Variants in CCT3 observed in about 807,000 individuals in gnomAD.
The protein encoded by CCT3 is T-complex protein 1 subunit gamma.
CCT3 carries 10 observed loss-of-function variants against 65.3 expected under a neutral mutation model. The observed-to-expected ratio is 0.15, with a 90% CI of 0.09 to 0.26. The LOEUF (loss-of-function observed/expected upper bound fraction) is 0.26, where lower values mean the gene tolerates loss of function less well. CCT3 is among the 10% of genes least tolerant of loss of function. The pLI is 1.00. For missense variants in CCT3, 626 were observed against 708.7 expected (o/e 0.88, Z 1.33); for synonymous variants, 225 against 242.3 (o/e 0.93, Z 0.66).
At chr1:156,329,801 T>C (rs1665031179) in intron 5 of CCT3, among the ~76,000 whole-genome samples, 1 of 151,588 alleles carries the variant, frequency 6.6e-6, no homozygotes, top group Admixed American at 6.6e-5. Context: ...TAGCTGGGCA[T>C]GGTGGCGGGT....
intron 13 of CCT3, among the ~76,000 whole-genome samples, chr1:156,310,121 C>T (rs925746163): frequency 8.0e-5 from 12 of 149,588 alleles, no homozygotes; most frequent in Admixed American, 5.3e-4. Context: ...GCTTTTAGTA[C>T]GAGCTAAAGA....
intron 1 of CCT3, among the ~76,000 whole-genome samples, chr1:156,336,789 C>G (rs1341069351): frequency 6.6e-6 from 1 of 152,170 alleles, no homozygotes; most frequent in South Asian, 2.1e-4. Flanking sequence ...ATCTTTCAAT[C>G]CAGTCCCATC....
chr1:156,319,276 C>T (rs965124321), intron 7 of CCT3, among the ~76,000 whole-genome samples: 1 of 140,076 alleles, frequency 7.1e-6, no homozygotes. Flanking sequence ...CCACACCCGG[C>T]TAATTTTTTT....
At position 156,308,972 on chromosome 1, in the gene CCT3, A is replaced by T; in HGVS notation, c.*227T>A. On this transcript the variant is annotated 3_prime_UTR_variant, in exon 14 of 14. Coordinates refer to ENST00000295688, the MANE Select transcript of CCT3 (RefSeq NM_005998.5). ...GAAAAACACATAACAACTTTCTCAA[A>T]TGACTTAGATTTAATCATCGGAAGC... 2.4e-6 allele frequency: 1 copy of T among 420,680 alleles called. No homozygotes were observed. Among genetic ancestry groups the T allele is most frequent in the Non-Finnish European group, 4.3e-6 (1 of 235,126 alleles). 26.1% of individuals were successfully genotyped at this position (420,680 alleles called of 1,614,324 possible).
intron 13 of CCT3, 53 bp from the exon 14 acceptor site, chr1:156,309,356 T>G: frequency 2.5e-6 from 3 of 1,196,634 alleles, no homozygotes; most frequent in Non-Finnish European, 3.7e-6. Context: ...AAAGGACACT[T>G]TTCTTTCCTT....
chr1:156,324,876 C>T, intron 6 of CCT3, 96 bp downstream of exon 6: 3 of 784,490 alleles, frequency 3.8e-6, no homozygotes, highest in Non-Finnish European at 6.7e-6. Flanking sequence ...ATCCACCCGC[C>T]TAGGCCTCCC....
At chr1:156,335,100 G>A in intron 2 of CCT3, 182 bp from the exon 3 acceptor site, 2 of 559,778 alleles carry the variant, frequency 3.6e-6, no homozygotes, top group Non-Finnish European at 3.1e-6. Flanking sequence ...CAAACCCCTG[G>A]GCCCAAGTGA....
intron 10 of CCT3, among the ~76,000 whole-genome samples, chr1:156,312,468 C>T (rs1257495932): frequency 6.6e-6 from 1 of 151,882 alleles, no homozygotes; most frequent in Non-Finnish European, 1.5e-5. Context: ...GAGACCAGCC[C>T]GGGCAACATA....
At chr1:156,333,311 A>T in intron 5 of CCT3, 1 of 413,178 alleles carries the variant, frequency 2.4e-6, no homozygotes. Flanking sequence ...AAAAAAAAAG[A>T]ATATTATAAC....
In CCT3 at chr1:156,325,073, A is replaced by C; in HGVS notation, c.321T>G (p.Ser107=). 2 of 1,611,972 alleles carry C rather than the reference A, an allele frequency of 1.2e-6. No homozygotes were observed. The highest frequency in any genetic ancestry group is 1.7e-6 in the Non-Finnish European group (2 of 1,178,990). Reference sequence around the variant, plus strand: ...GCTGCTCCAGGAAGTGCTCAGCTACAGACAGCATTTCCCCTGCTGAAAAAG... The same window carrying C: ...GCTGCTCCAGGAAGTGCTCAGCTACCGACAGCATTTCCCCTGCTGAAAAAG... ...SVIILAGEML[S]VAEHFLEQQM... Residue 107 remains serine, a synonymous_variant, in exon 6 of 14, where the codon TCT becomes TCG. Transcript: ENST00000295688.
intron 5 of CCT3, among the ~76,000 whole-genome samples, chr1:156,331,490 C>A (rs1259803641): frequency 6.6e-6 from 1 of 152,040 alleles, no homozygotes; most frequent in Non-Finnish European, 1.5e-5. Context: ...CGAGATCAGT[C>A]TGGCCAACAT....
chr1:156,328,879 G>T (rs944519112), intron 5 of CCT3, among the ~76,000 whole-genome samples: 3 of 142,872 alleles, frequency 2.1e-5, no homozygotes, highest in Non-Finnish European at 4.4e-5. Flanking sequence ...AAAAAAAAAT[G>T]TACATGTTAT....
At chr1:156,309,529 C>T (rs892492122) in intron 13 of CCT3, among the ~76,000 whole-genome samples, 6 of 151,900 alleles carry the variant, frequency 3.9e-5, no homozygotes, top group East Asian at 3.9e-4. Context: ...CGGGTTCAAG[C>T]GATTCTACTA....
intron 12 of CCT3, 81 bp from the exon 13 acceptor site, chr1:156,310,770 C>T: frequency 6.5e-7 from 1 of 1,529,960 alleles, no homozygotes. Context: ...AACAATGGAC[C>T]AGTATGGAAG....
chr1:156,320,478 T>C (rs1664502072), intron 7 of CCT3, among the ~76,000 whole-genome samples: 1 of 151,896 alleles, frequency 6.6e-6, no homozygotes, highest in African/African-American at 2.4e-5. Flanking sequence ...TAGGGTATGA[T>C]GGCTTATGCC....
intron 12 of CCT3, 66 bp from the exon 13 acceptor site, chr1:156,310,755 T>TA: frequency 1.9e-6 from 3 of 1,566,598 alleles, no homozygotes; most frequent in Non-Finnish European, 2.6e-6. Context: ...AGAAATGAAG[T>TA]AAAAAACAAT....
At position 156,325,170 on chromosome 1, in the gene CCT3, T is replaced by C. The variant is rs545897067; in HGVS notation, c.305-81A>G. 6 of 1,008,110 alleles carry C rather than the reference T, an allele frequency of 6.0e-6. No individual in the cohort carries two copies. The African/African-American group carries it at 6.3e-5, about 11-fold the overall frequency. The allele number at this position is 1,008,110 out of a possible 1,614,324, so 62.4% of individuals were successfully genotyped here. A position where few individuals can be genotyped will look rare whatever the true frequency, so the allele number is the denominator to read the frequency against. ...GTAACTTAATTATTCTTCCAAAAAATACTCTCCTAAATCAGACTCTCCCAA... is the reference window on the plus strand; with the variant it reads ...GTAACTTAATTATTCTTCCAAAAAACACTCTCCTAAATCAGACTCTCCCAA... On this transcript the variant is annotated intron_variant, in intron 5 of 13. Coordinates refer to ENST00000295688, the MANE Select transcript of CCT3 (RefSeq NM_005998.5).
At chr1:156,333,371 T>C in intron 5 of CCT3, 176 bp downstream of exon 5, 3 of 561,786 alleles carry the variant, frequency 5.3e-6, no homozygotes, top group East Asian at 3.1e-5. Context: ...CAGATTTGCA[T>C]AGCTCACCCT....
intron 5 of CCT3, 38 bp from the exon 6 acceptor site, chr1:156,325,127 A>C: frequency 7.2e-7 from 1 of 1,382,724 alleles, no homozygotes; most frequent in Non-Finnish European, 1.0e-6. Context: ...TATTTAAAGC[A>C]TCTGGATATC....
Sources: gnomAD v4.1 joint callset for allele counts (sites outside exome capture counted in the v4.1 genomes callset) on GRCh38, gnomAD v4.1.1 for gene constraint, MANE v1.5 for transcripts, NCBI Gene and HGNC (gene_info 2026-07-23, HGNC 2026-07-21) for gene names.